ANKRD44: variants seen among roughly 807,000 people sequenced by gnomAD.
ANKRD44 encodes ankyrin repeat domain 44.
A neutral mutation model predicts 116.0 loss-of-function variants in ANKRD44; 35 were observed. The ratio of observed to expected loss-of-function variants is 0.30; its 90% confidence interval spans 0.23 to 0.40. ANKRD44 has a LOEUF of 0.40. Among genes scored for constraint, ANKRD44 ranks in the 10% least tolerant of loss-of-function variants. The pLI is 1.00. For synonymous variants in ANKRD44, 435 were observed against 461.8 expected (o/e 0.94, Z 0.74); for missense variants, 1,014 against 1,242.6 (o/e 0.82, Z 2.77).
intron 1 of ANKRD44, among the ~76,000 whole-genome samples, chr2:197,284,855 C>T (rs888477207): frequency 6.6e-6 from 1 of 150,660 alleles, no homozygotes; most frequent in African/African-American, 2.4e-5. Flanking sequence ...CACTGTACCC[C>T]AGCCTGGGCA....
intron 9 of ANKRD44, among the ~76,000 whole-genome samples, chr2:197,102,964 T>A (rs569834492): frequency 1.3e-5 from 2 of 152,146 alleles, no homozygotes; most frequent in Non-Finnish European, 2.9e-5. Context: ...GCGTGGTGGC[T>A]CATGCCTGTA....
rs374313668 is a variant in ANKRD44 at position 197,305,967 on chromosome 2, T to TTATATATATATATATATATATATATATA, written c.27+4610_27+4611insTATATATATATATATATATATATATATA. Reference sequence around the variant, plus strand: ...TTTCCTATAATGACCGCAGTTCGTTTTATATATATATATATATATATATAT... The same window carrying TTATATATATATATATATATATATATATA: ...TTTCCTATAATGACCGCAGTTCGTTTTATATATATATATATATATATATATATATATATATATATATATATATATATAT... On this transcript the variant is annotated intron_variant, in intron 1 of 27. Coordinates refer to ENST00000282272, the MANE Select transcript of ANKRD44 (RefSeq NM_001195144.2). 1.4e-3 allele frequency among the ~76,000 whole-genome samples: 177 copies of TTATATATATATATATATATATATATATA among 124,628 alleles called. 1 individual carries two copies. The highest frequency in any genetic ancestry group is 5.7e-3 in the African/African-American group (157 of 27,458). The allele number at this position is 124,628 out of a possible 152,430, so 81.8% of individuals were successfully genotyped here.
intron 25 of ANKRD44, 59 bp from the exon 26 acceptor site, chr2:196,995,520 A>C (rs1218788343): frequency 8.0e-7 from 1 of 1,242,770 alleles, no homozygotes; most frequent in Non-Finnish European, 1.2e-6. Flanking sequence ...AGTTACTGAG[A>C]AATTTCTTCA....
At chr2:197,186,807 A>G (rs1327568778) in intron 2 of ANKRD44, among the ~76,000 whole-genome samples, 1 of 151,238 alleles carries the variant, frequency 6.6e-6, no homozygotes. Flanking sequence ...CATATTACAA[A>G]GTATATTTTT....
chr2:197,091,897 A>G (rs2078050949), intron 10 of ANKRD44, among the ~76,000 whole-genome samples: 3 of 152,202 alleles, frequency 2.0e-5, no homozygotes, highest in East Asian at 1.9e-4. Flanking sequence ...ATTACTTTGC[A>G]TATATTTCAT....
intron 15 of ANKRD44, among the ~76,000 whole-genome samples, 155 bp from the exon 16 acceptor site, chr2:197,078,969 TTGTGTG>T (rs59690082): frequency 4.8e-5 from 7 of 147,214 alleles, no homozygotes; most frequent in Non-Finnish European, 7.5e-5. Flanking sequence ...GTGTTGAAAA[TTGTGTG>T]TGTGTGTGTG....
chr2:197,302,198 AG>A (rs1324991170), intron 1 of ANKRD44: 1 of 152,482 alleles, frequency 6.6e-6, no homozygotes, highest in Non-Finnish European at 1.5e-5. Context: ...GGATGAGCTG[AG>A]TGCAGAGGTC....
At chr2:197,175,813 A>G (rs1209412250) in intron 2 of ANKRD44, among the ~76,000 whole-genome samples, 2 of 152,220 alleles carry the variant, frequency 1.3e-5, no homozygotes, top group Non-Finnish European at 2.9e-5. Context: ...CATAAATGAT[A>G]CATATTTCTG....
chr2:197,065,648 A>C (rs945563249), intron 16 of ANKRD44, among the ~76,000 whole-genome samples: 1 of 152,250 alleles, frequency 6.6e-6, no homozygotes, highest in Non-Finnish European at 1.5e-5. Context: ...AATACAAACT[A>C]TCATCAGAGA....
At chr2:197,075,930 G>A (rs1436605834) in intron 16 of ANKRD44, among the ~76,000 whole-genome samples, 12 of 152,246 alleles carry the variant, frequency 7.9e-5, no homozygotes, top group African/African-American at 2.4e-4. Context: ...GTAGACAGGA[G>A]GAGGCGCCAA....
chr2:197,155,835 A>G (rs1288952553), intron 2 of ANKRD44, among the ~76,000 whole-genome samples: 1 of 152,236 alleles, frequency 6.6e-6, no homozygotes, highest in East Asian at 1.9e-4. Context: ...CAAAATGAAT[A>G]ATGTCCACTC....
At position 197,310,695 on chromosome 2, in the gene ANKRD44, A is replaced by G; in HGVS notation, c.-91T>C. The stretch of plus-strand genomic sequence containing the variant: ...GGGAAGCGGAAGGGATTGCCAGGAG[A>G]AGGGAAAAAATCTGGCTCCCGAATT... On this transcript the variant is annotated 5_prime_UTR_variant, in exon 1 of 28. Transcript: ENST00000282272. The G allele has an allele frequency of 2.4e-6, 3 of 1,235,758 alleles. No individual in the cohort carries two copies. Among genetic ancestry groups the G allele is most frequent in the South Asian group, 1.6e-5 (1 of 61,932 alleles). 76.5% of individuals were successfully genotyped at this position (1,235,758 alleles called of 1,614,324 possible).
chr2:197,224,225 C>G (rs1028423469), intron 1 of ANKRD44, among the ~76,000 whole-genome samples: 50 of 152,186 alleles, frequency 3.3e-4, no homozygotes, highest in African/African-American at 1.2e-3. Context: ...AAATTGTGAC[C>G]ATAGTTTGAA....
At chr2:197,037,671 C>T (rs1445333349) in intron 16 of ANKRD44, among the ~76,000 whole-genome samples, 1 of 152,204 alleles carries the variant, frequency 6.6e-6, no homozygotes, top group African/African-American at 2.4e-5. Flanking sequence ...GATGCAGTGG[C>T]TTATGCCTGT....
At chr2:197,026,130 ACAATAGT>A (rs2076590831) in intron 16 of ANKRD44, among the ~76,000 whole-genome samples, 2 of 151,998 alleles carry the variant, frequency 1.3e-5, no homozygotes, top group South Asian at 4.2e-4. Context: ...AGATGAGTGC[ACAATAGT>A]GCATATTGTA....
At chr2:197,035,318 G>C (rs1327431235) in intron 16 of ANKRD44, among the ~76,000 whole-genome samples, 2 of 151,342 alleles carry the variant, frequency 1.3e-5, no homozygotes, top group Admixed American at 6.6e-5. Flanking sequence ...GGGGCCCCGA[G>C]AGACCTCAAG....
intron 9 of ANKRD44, among the ~76,000 whole-genome samples, chr2:197,107,489 T>C (rs569577433): frequency 5.3e-5 from 8 of 152,136 alleles, no homozygotes; most frequent in African/African-American, 1.9e-4. Flanking sequence ...AGAGGTAGTC[T>C]TTGCTTACTA....
In ANKRD44 at chr2:197,260,912, T is replaced by G. The variant is rs1274304079; in HGVS notation, c.27+49666A>C. On this transcript the variant is annotated intron_variant, in intron 1 of 27. Coordinates refer to ENST00000282272, the MANE Select transcript of ANKRD44 (RefSeq NM_001195144.2). ...GTCTGTTCATGTCCTTTGCCCACTTTTTGATGGGGTTGTTTGTTTTTTTCT... is the reference window on the plus strand; with the variant it reads ...GTCTGTTCATGTCCTTTGCCCACTTGTTGATGGGGTTGTTTGTTTTTTTCT... Among the ~76,000 whole-genome samples, 948 of 108,304 alleles carry G rather than the reference T, an allele frequency of 8.8e-3. 3 individuals are homozygous for G. Among genetic ancestry groups the G allele is most frequent in the Non-Finnish European group, 0.012 (637 of 52,804 alleles). The allele number at this position is 108,304 out of a possible 152,430, so 71.1% of individuals were successfully genotyped here. A position where few individuals can be genotyped will look rare whatever the true frequency, so the allele number is the denominator to read the frequency against.
intron 1 of ANKRD44, among the ~76,000 whole-genome samples, chr2:197,218,212 T>C (rs112352394): frequency 1.1e-4 from 16 of 152,292 alleles, no homozygotes; most frequent in African/African-American, 2.9e-4. Flanking sequence ...GATATTCCAA[T>C]AGAAGGAATG....
Sources: gnomAD v4.1 joint callset for allele counts (sites outside exome capture counted in the v4.1 genomes callset) on GRCh38, gnomAD v4.1.1 for gene constraint, MANE v1.5 for transcripts, NCBI Gene and HGNC (gene_info 2026-07-23, HGNC 2026-07-21) for gene names.